Variants in GLRA3 observed in about 807,000 individuals in gnomAD.
The protein encoded by GLRA3 is glycine receptor subunit alpha-3.
Under a neutral mutation model 60.4 loss-of-function variants are expected in GLRA3, and 44 were observed. That is an observed-to-expected ratio of 0.73 (90% confidence interval 0.57 to 0.94). The LOEUF (loss-of-function observed/expected upper bound fraction) is 0.94, where lower values mean the gene tolerates loss of function less well. GLRA3 is among the 40% of genes least tolerant of loss of function. GLRA3 has a pLI of 0.00. For synonymous variants in GLRA3, 223 were observed against 192.9 expected, an observed-to-expected ratio of 1.16 and a Z score of -1.29; for missense variants, 508 against 564.6, an observed-to-expected ratio of 0.90 and a Z score of 1.02.
chr4:174,822,864 A>T (rs971573093), intron 1 of GLRA3, among the ~76,000 whole-genome samples: 11 of 152,306 alleles, frequency 7.2e-5, no homozygotes, highest in African/African-American at 2.6e-4. Context: ...CACGTTGCCT[A>T]CGAGGTACTA....
At chr4:174,799,305 A>G (rs1054809378) in intron 1 of GLRA3, among the ~76,000 whole-genome samples, 4 of 152,232 alleles carry the variant, frequency 2.6e-5, no homozygotes, top group Non-Finnish European at 5.9e-5. Context: ...AACAAACCAA[A>G]GCTTCCGCTT....
At chr4:174,673,105 G>GA (rs36020896) in intron 7 of GLRA3, among the ~76,000 whole-genome samples, 3 of 151,460 alleles carry the variant, frequency 2.0e-5, no homozygotes, top group African/African-American at 4.8e-5. Flanking sequence ...GAAACAGGAT[G>GA]AAAAAAAATG....
intron 5 of GLRA3, among the ~76,000 whole-genome samples, chr4:174,710,604 G>A (rs1485946): frequency 0.15 from 22,679 of 151,760 alleles, 1,731 homozygotes; most frequent in East Asian, 0.19. Flanking sequence ...AGCTCTTTAC[G>A]CGGACGTTTT....
At chr4:174,775,843 A>T (rs6553823) in intron 2 of GLRA3, among the ~76,000 whole-genome samples, 1 of 151,708 alleles carries the variant, frequency 6.6e-6, no homozygotes, top group Non-Finnish European at 1.5e-5. Flanking sequence ...ATGACATTAC[A>T]TAATAAAATT....
chr4:174,642,070 TA>T lies in GLRA3; in HGVS notation c.*1715del. ...TTGCACATAATGCCAAACATGATAT[TA>T]TTTCCTTATAGTGTTGTTTTAAGTT... On this transcript the variant is annotated 3_prime_UTR_variant, in exon 10 of 10. Transcript: ENST00000274093. The T allele has an allele frequency of 3.6e-6, 3 of 838,306 alleles. No individual in the cohort carries two copies. Among genetic ancestry groups the T allele is most frequent in the Non-Finnish European group, 2.9e-6 (2 of 695,808 alleles). 51.9% of individuals were successfully genotyped at this position (838,306 alleles called of 1,614,324 possible). A position where few individuals can be genotyped will look rare whatever the true frequency, so the allele number is the denominator to read the frequency against.
chr4:174,777,840 A>C (rs558248884), intron 2 of GLRA3, among the ~76,000 whole-genome samples: 1 of 152,192 alleles, frequency 6.6e-6, no homozygotes, highest in Admixed American at 6.5e-5. Flanking sequence ...ATTATTCTGT[A>C]AACCTAAAAC....
At chr4:174,661,892 T>C (rs1284172688) in intron 7 of GLRA3, among the ~76,000 whole-genome samples, 2 of 151,626 alleles carry the variant, frequency 1.3e-5, no homozygotes, top group South Asian at 2.1e-4. Flanking sequence ...AAGAGAAGAG[T>C]AAAAAGAAAA....
intron 3 of GLRA3, among the ~76,000 whole-genome samples, chr4:174,735,668 C>A (rs1328595271): frequency 6.6e-6 from 1 of 152,154 alleles, no homozygotes; most frequent in Admixed American, 6.5e-5. Flanking sequence ...TCAAGCGATT[C>A]TCCTGCCTCA....
chr4:174,703,647 T>A (rs1735406721), intron 5 of GLRA3, among the ~76,000 whole-genome samples: 1 of 152,196 alleles, frequency 6.6e-6, no homozygotes, highest in Non-Finnish European at 1.5e-5. Flanking sequence ...TTTGTGGTCT[T>A]CTATGTTTAA....
At chr4:174,659,276 AT>A in intron 7 of GLRA3, 79 bp from the exon 8 acceptor site, 1 of 1,019,162 alleles carries the variant, frequency 9.8e-7, no homozygotes, top group Non-Finnish European at 1.5e-6. Flanking sequence ...AGTTTTTCTG[AT>A]TCTGAATTAT....
intron 5 of GLRA3, among the ~76,000 whole-genome samples, chr4:174,708,436 T>A (rs996717062): frequency 4.6e-5 from 7 of 150,834 alleles, no homozygotes; most frequent in African/African-American, 1.7e-4. Context: ...AAAGTATATA[T>A]CAAGTTTCTT....
chr4:174,750,069 T>C (rs1194201189), intron 3 of GLRA3, among the ~76,000 whole-genome samples: 2 of 151,984 alleles, frequency 1.3e-5, no homozygotes, highest in African/African-American at 4.8e-5. Flanking sequence ...CCTCATGGAG[T>C]AGATCTCTGA....
At chr4:174,734,435 G>C (rs1194196927) in intron 3 of GLRA3, among the ~76,000 whole-genome samples, 1 of 152,144 alleles carries the variant, frequency 6.6e-6, no homozygotes, top group Non-Finnish European at 1.5e-5. Flanking sequence ...CTGCAGTAAT[G>C]GCCCATTGGG....
intron 3 of GLRA3, among the ~76,000 whole-genome samples, chr4:174,737,700 C>T (rs1183453745): frequency 3.3e-5 from 5 of 152,010 alleles, no homozygotes; most frequent in South Asian, 2.1e-4. Flanking sequence ...TTAGTAGAGA[C>T]GGGGTTTCTC....
At chr4:174,781,550 A>G (rs1485342253) in intron 2 of GLRA3, among the ~76,000 whole-genome samples, 1 of 146,234 alleles carries the variant, frequency 6.8e-6, no homozygotes, top group Non-Finnish European at 1.5e-5. Context: ...AGGATCAACA[A>G]AATTGATAGA....
rs202095021 is a variant in GLRA3 at position 174,728,457 on chromosome 4, T to C, written c.491+18A>G. The C allele has an allele frequency of 2.2e-6, 3 of 1,359,148 alleles. No homozygotes were observed. The African/African-American group carries it at 4.3e-5, about 20-fold the overall frequency. The allele number at this position is 1,359,148 out of a possible 1,614,324, so 84.2% of individuals were successfully genotyped here. On this transcript the variant is annotated intron_variant, in intron 4 of 9. Transcript: ENST00000274093. ...TATTCTATTTCACTGAAATCGGCAA[T>C]TTAAGTCCACGACTCACCTTATTGA...
intron 1 of GLRA3, among the ~76,000 whole-genome samples, chr4:174,802,945 C>A (rs945298523): frequency 1.3e-5 from 2 of 151,840 alleles, no homozygotes; most frequent in Admixed American, 1.3e-4. Context: ...TTGCCAGTTG[C>A]CAGTGATAAA....
At chr4:174,812,655 G>A (rs1034158483) in intron 1 of GLRA3, among the ~76,000 whole-genome samples, 1 of 152,056 alleles carries the variant, frequency 6.6e-6, no homozygotes, top group Non-Finnish European at 1.5e-5. Context: ...TGAATATTAC[G>A]CTATACCTCA....
chr4:174,726,213 G>T (rs1211139739), intron 4 of GLRA3, among the ~76,000 whole-genome samples: 3 of 152,218 alleles, frequency 2.0e-5, no homozygotes, highest in African/African-American at 7.2e-5. Context: ...TTTCTGCAGG[G>T]AAAGGGAGGA....
Sources: allele counts gnomAD v4.1 joint callset (sites outside exome capture counted in the v4.1 genomes callset), GRCh38; gene constraint gnomAD v4.1.1; transcripts MANE v1.5; gene names NCBI Gene and HGNC (gene_info 2026-07-23, HGNC 2026-07-21).